The following CCSER1 variants were observed in gnomAD, a reference collection of about 807,000 sequenced individuals.
CCSER1 encodes coiled-coil serine rich protein 1.
In CCSER1, 41 loss-of-function variants were observed where a neutral mutation model predicts 82.0. That is an observed-to-expected ratio of 0.50 (90% CI 0.39 to 0.65). The LOEUF (loss-of-function observed/expected upper bound fraction) is 0.65, where lower values mean the gene tolerates loss of function less well. Among genes scored for constraint, CCSER1 ranks in the 30% least tolerant of loss-of-function variants. The pLI, the probability that CCSER1 is intolerant of heterozygous loss-of-function variation, is 0.00. For synonymous variants in CCSER1, 414 were observed against 383.9 expected (o/e 1.08, Z -0.92); for missense variants, 1,119 against 1,064.2 (o/e 1.05, Z -0.72).
chr4:90,763,132 A>C (rs938694649), intron 7 of CCSER1, among the ~76,000 whole-genome samples: 2 of 152,038 alleles, frequency 1.3e-5, no homozygotes, highest in Admixed American at 1.3e-4. Flanking sequence ...ACTACCAACC[A>C]AAACAACTCT....
intron 9 of CCSER1, among the ~76,000 whole-genome samples, chr4:91,066,311 G>A (rs1252226550): frequency 1.3e-5 from 2 of 152,154 alleles, no homozygotes; most frequent in African/African-American, 4.8e-5. Context: ...TTATCTTAAG[G>A]CTGTGAGTCA....
intron 1 of CCSER1, among the ~76,000 whole-genome samples, chr4:90,140,558 T>C (rs1480471278): frequency 6.6e-6 from 1 of 152,156 alleles, no homozygotes; most frequent in Non-Finnish European, 1.5e-5. Context: ...CAATCTTTGT[T>C]ATATGTGTGT....
chr4:91,507,159 A>C (rs143033050), intron 10 of CCSER1, among the ~76,000 whole-genome samples: 1 of 152,196 alleles, frequency 6.6e-6, no homozygotes, highest in Non-Finnish European at 1.5e-5. Context: ...GTAGAAATCC[A>C]TGATCACATG....
intron 10 of CCSER1, among the ~76,000 whole-genome samples, chr4:91,128,404 A>G (rs993815084): frequency 1.3e-5 from 2 of 152,058 alleles, no homozygotes; most frequent in Admixed American, 6.6e-5. Flanking sequence ...CCCTCATTTT[A>G]TCAGTCACTT....
chr4:90,548,858 C>G (rs1777114663), intron 5 of CCSER1, among the ~76,000 whole-genome samples: 1 of 151,684 alleles, frequency 6.6e-6, no homozygotes. Context: ...TATCAAAGTT[C>G]AAAAGAATCG....
intron 4 of CCSER1, among the ~76,000 whole-genome samples, chr4:90,417,453 G>C (rs1338596826): frequency 6.6e-6 from 1 of 151,868 alleles, no homozygotes; most frequent in Non-Finnish European, 1.5e-5. Flanking sequence ...TTTACAATTT[G>C]CAGAAGAGTT....
intron 3 of CCSER1, among the ~76,000 whole-genome samples, chr4:90,318,308 AT>A (rs1490017572): frequency 6.6e-6 from 1 of 152,010 alleles, no homozygotes; most frequent in East Asian, 1.9e-4. Context: ...GTAAGTATTT[AT>A]TTTCATTGCA....
intron 10 of CCSER1, among the ~76,000 whole-genome samples, chr4:91,496,260 G>T (rs1241275496): frequency 6.6e-6 from 1 of 151,198 alleles, no homozygotes; most frequent in Non-Finnish European, 1.5e-5. Flanking sequence ...GCTTTGGTTG[G>T]TCATTGAGAG....
At chr4:90,202,425 A>T (rs557652082) in intron 1 of CCSER1, among the ~76,000 whole-genome samples, 29 of 151,740 alleles carry the variant, frequency 1.9e-4, no homozygotes, top group Non-Finnish European at 2.8e-4. Flanking sequence ...CTAGTCTCGA[A>T]CTCCTGACCT....
chr4:91,452,301 G>C (rs1411319291), intron 10 of CCSER1, among the ~76,000 whole-genome samples: 2 of 151,978 alleles, frequency 1.3e-5, no homozygotes, highest in Non-Finnish European at 2.9e-5. Context: ...TGTAACTCAA[G>C]CCTTTTGAAA....
At chr4:91,136,365 G>A (rs1033453380) in intron 10 of CCSER1, among the ~76,000 whole-genome samples, 2 of 152,038 alleles carry the variant, frequency 1.3e-5, no homozygotes, top group African/African-American at 2.4e-5. Flanking sequence ...AATATTCTGT[G>A]TTTACCTCTG....
At chr4:91,493,028 A>C (rs1017762719) in intron 10 of CCSER1, among the ~76,000 whole-genome samples, 2 of 151,968 alleles carry the variant, frequency 1.3e-5, no homozygotes, top group Non-Finnish European at 2.9e-5. Flanking sequence ...TAATGATAGG[A>C]GATCTCTGAA....
intron 10 of CCSER1, among the ~76,000 whole-genome samples, chr4:91,553,309 T>C (rs1191501377): frequency 1.3e-5 from 2 of 151,456 alleles, no homozygotes; most frequent in African/African-American, 2.4e-5. Flanking sequence ...CAGTATTTTA[T>C]TGAAGGATTT....
At chr4:90,414,926 T>C (rs1324036888) in intron 4 of CCSER1, among the ~76,000 whole-genome samples, 1 of 152,128 alleles carries the variant, frequency 6.6e-6, no homozygotes, top group Non-Finnish European at 1.5e-5. Flanking sequence ...TATTCACTTA[T>C]GCATCTTGCA....
intron 9 of CCSER1, among the ~76,000 whole-genome samples, chr4:90,925,240 G>C (rs932117139): frequency 6.6e-6 from 1 of 151,984 alleles, no homozygotes; most frequent in Admixed American, 6.6e-5. Flanking sequence ...CTTACTTCAA[G>C]CCCCCAAATT....
intron 10 of CCSER1, among the ~76,000 whole-genome samples, chr4:91,437,669 G>A (rs553024121): frequency 3.3e-5 from 5 of 152,358 alleles, no homozygotes; most frequent in African/African-American, 1.2e-4. Flanking sequence ...AGCCGAAGCA[G>A]GGCGAGGCAT....
chr4:90,207,918 T>C (rs1011243023), intron 1 of CCSER1, among the ~76,000 whole-genome samples: 1 of 152,162 alleles, frequency 6.6e-6, no homozygotes, highest in Non-Finnish European at 1.5e-5. Flanking sequence ...AGTGCTCCTG[T>C]GTGAGGTGTG....
At chr4:90,136,733 A>G (rs1461141077) in intron 1 of CCSER1, among the ~76,000 whole-genome samples, 1 of 152,180 alleles carries the variant, frequency 6.6e-6, no homozygotes, top group African/African-American at 2.4e-5. Context: ...TATAGAAAGG[A>G]CCAAAACGTT....
At chr4:90,996,375 A>G (rs930739933) in intron 9 of CCSER1, among the ~76,000 whole-genome samples, 15 of 152,128 alleles carry the variant, frequency 9.9e-5, no homozygotes, top group African/African-American at 1.4e-4. Context: ...TTGACTTCCT[A>G]AGACAGCTAC....
Sources: allele counts gnomAD v4.1 joint callset (sites outside exome capture counted in the v4.1 genomes callset), GRCh38; gene constraint gnomAD v4.1.1; transcripts MANE v1.5; gene names NCBI Gene and HGNC (gene_info 2026-07-23, HGNC 2026-07-21).